Variants in ACAP1 observed in about 807,000 individuals in gnomAD.
The protein encoded by ACAP1 is arf-GAP with coiled-coil, ANK repeat and PH domain-containing protein 1.
Under a neutral mutation model 98.8 loss-of-function variants are expected in ACAP1, and 45 were observed. The ratio of observed to expected loss-of-function variants is 0.46; its 90% CI spans 0.36 to 0.58. ACAP1 has a LOEUF of 0.58. Among genes scored for constraint, ACAP1 ranks in the 20% least tolerant of loss-of-function variants. ACAP1 has a pLI of 0.00. For synonymous variants in ACAP1, 362 were observed against 375.3 expected (o/e 0.96, Z 0.41); for missense variants, 735 against 971.4 (o/e 0.76, Z 3.24).
Position 7,346,399 on chromosome 17 carries a change from G to A in ACAP1, c.915G>A (p.Val305=). 6.2e-7 allele frequency: 1 copy of A among 1,613,990 alleles called. No individual in the cohort carries two copies. Among genetic ancestry groups the A allele is most frequent in the Non-Finnish European group, 8.5e-7 (1 of 1,179,916 alleles). The change falls in exon 12 of 22, where the codon GTG becomes GTA. Residue 305 remains valine (V), a synonymous_variant. Coordinates refer to ENST00000158762, the MANE Select transcript of ACAP1 (RefSeq NM_014716.4). ...LVYQKKYKDP[V]TVVVDDLRLC... ...TCACCTTATCCTGCCAGGACCCTGT[G>A]ACTGTGGTGGTGGATGACCTTCGTC...
At chr17:7,347,500 T>C in intron 14 of ACAP1, 1 of 518,610 alleles carries the variant, frequency 1.9e-6, no homozygotes, top group South Asian at 2.7e-5. Context: ...GGAAGAAGTG[T>C]GGGGTCAAGG....
At chr17:7,347,644 A>G in intron 14 of ACAP1, 1 of 564,846 alleles carries the variant, frequency 1.8e-6, no homozygotes, top group Non-Finnish European at 3.2e-6. Context: ...TCCAGGCCAA[A>G]GTGTCACAAG....
chr17:7,337,315 C>T lies in ACAP1; in HGVS notation c.57C>T (p.Ala19=). 6.2e-7 allele frequency: 1 copy of T among 1,614,040 alleles called. No homozygotes were observed. Among genetic ancestry groups the T allele is most frequent in the Non-Finnish European group, 8.5e-7 (1 of 1,179,934 alleles). ...ECLKDSPRFR[A]SIELVEAEVS... is the part of the protein sequence containing the mutation. ...CCCATGACCCCCTCTTTCCCAGAGC[C>T]TCTATTGAGCTGGTGGAAGCCGAAG... is the stretch of plus-strand genomic sequence containing the variant. The change falls in exon 2 of 22, where the codon GCC becomes GCT. Residue 19 remains alanine (A), a synonymous_variant. Coordinates refer to ENST00000158762, the MANE Select transcript of ACAP1 (RefSeq NM_014716.4).
At chr17:7,351,185 C>T in intron 21 of ACAP1, 110 bp from the exon 22 acceptor site, 2 of 1,130,816 alleles carry the variant, frequency 1.8e-6, no homozygotes, top group Non-Finnish European at 2.6e-6. Flanking sequence ...GCGGCGCGCA[C>T]GTTCCCACCC....
In ACAP1 at chr17:7,343,261, C is replaced by T. The variant is rs534180264; in HGVS notation, c.345-118C>T. 218 of 1,086,066 alleles carry T rather than the reference C, an allele frequency of 2.0e-4. 1 individual carries two copies. In the African/African-American group the frequency reaches 3.1e-3, roughly 15 times the overall value. 67.3% of individuals were successfully genotyped at this position (1,086,066 alleles called of 1,614,324 possible). ...GTCCTGACTTCCGTCCCAGGGATCA[C>T]CTTGGGTTTCCCACGTTGCAGAGAC... On this transcript the variant is annotated intron_variant, in intron 5 of 21. Coordinates refer to ENST00000158762, the MANE Select transcript of ACAP1 (RefSeq NM_014716.4). This position sits in a 1 kb window ranked among gnomAD's most constrained non-coding sequence, Gnocchi z 4.9.
At position 7,336,807 on chromosome 17, in the gene ACAP1, G is replaced by C. The variant is rs777665240; in HGVS notation, c.53+20G>C. The C allele has an allele frequency of 5.6e-6, 9 of 1,613,376 alleles. No homozygotes were observed. Among genetic ancestry groups the C allele is most frequent in the Non-Finnish European group, 5.1e-6 (6 of 1,179,530 alleles). ...TTTCCGGTAAGTGTGAACTGGTCTGGGGGGCTAAGGAGGGGAAAGTCTAAC... is the reference window on the plus strand; with the variant it reads ...TTTCCGGTAAGTGTGAACTGGTCTGCGGGGCTAAGGAGGGGAAAGTCTAAC... On this transcript the variant is annotated intron_variant, in intron 1 of 21. Coordinates refer to ENST00000158762, the MANE Select transcript of ACAP1 (RefSeq NM_014716.4).
Position 7,349,214 on chromosome 17 carries a change from C to T in ACAP1, c.1851+47C>T, listed in dbSNP as rs373495926. On this transcript the variant is annotated intron_variant, in intron 18 of 21. Transcript: ENST00000158762. ...CCACCCCACCCTAGGGCTCTGACACCTACTCCTGACTCTGGGCCCTGCCCT... is the reference window on the plus strand; with the variant it reads ...CCACCCCACCCTAGGGCTCTGACACTTACTCCTGACTCTGGGCCCTGCCCT... The T allele has an allele frequency of 1.3e-5, 20 of 1,599,880 alleles. No homozygotes were observed. The African/African-American group carries it at 2.7e-4, about 21-fold the overall frequency.
chr17:7,346,551 G>C, intron 12 of ACAP1, 60 bp downstream of exon 12: 3 of 1,458,778 alleles, frequency 2.1e-6, no homozygotes, highest in Non-Finnish European at 2.8e-6. Flanking sequence ...AATCTGAAAG[G>C]CAGGGCCCAC....
intron 2 of ACAP1, 116 bp downstream of exon 2, chr17:7,337,485 A>C: frequency 2.1e-6 from 2 of 969,514 alleles, no homozygotes; most frequent in South Asian, 2.9e-5. Context: ...TGTGTAGGGG[A>C]GATATTTTGG....
chr17:7,337,884 T>C (rs1379560784), intron 2 of ACAP1, among the ~76,000 whole-genome samples: 1 of 151,988 alleles, frequency 6.6e-6, no homozygotes, highest in East Asian at 1.9e-4. Flanking sequence ...TTGGACTTCC[T>C]TGTTCTGCTC....
chr17:7,340,133 A>G (rs911237189), intron 2 of ACAP1, among the ~76,000 whole-genome samples: 21 of 151,972 alleles, frequency 1.4e-4, no homozygotes, highest in African/African-American at 4.6e-4. Context: ...TTAGCCAGGC[A>G]TGGTGGTGTG....
intron 16 of ACAP1, 23 bp downstream of exon 16, chr17:7,348,244 C>A: frequency 6.2e-7 from 1 of 1,612,074 alleles, no homozygotes; most frequent in South Asian, 1.1e-5. Flanking sequence ...TTTAGCCTCC[C>A]AGGGGAATGG....
chr17:7,343,150 T>C lies in ACAP1; in HGVS notation c.345-229T>C, dbSNP rs762504259. On this transcript the variant is annotated intron_variant, in intron 5 of 21. Coordinates refer to ENST00000158762, the MANE Select transcript of ACAP1 (RefSeq NM_014716.4). The surrounding 1 kb of genome is among the most constrained non-coding windows in gnomAD (Gnocchi z 4.9). ...TGAGATGGGAGAGAAGGGGGCCTTA[T>C]TTCTCGGAAACCAGCCCTGCTGCCC... The C allele has an allele frequency of 4.6e-5, 22 of 476,920 alleles. No individual in the cohort carries two copies. Among genetic ancestry groups the C allele is most frequent in the Non-Finnish European group, 8.1e-5 (22 of 271,522 alleles). 29.5% of individuals were successfully genotyped at this position (476,920 alleles called of 1,614,324 possible).
At chr17:7,341,888 G>A in intron 2 of ACAP1, 60 bp from the exon 3 acceptor site, 1 of 1,603,356 alleles carries the variant, frequency 6.2e-7, no homozygotes, top group Non-Finnish European at 8.5e-7. Context: ...GGCAGGTGTG[G>A]GGGCATCACC....
rs201609564 is a variant in ACAP1 at position 7,342,467 on chromosome 17, G to C, written c.337G>C (p.Val113Leu). ...HTLQQQIQTL[V>L]KEGLRGFREA... The stretch of plus-strand genomic sequence containing the variant: ...ACTGCAGCAGCAGATCCAGACCCTG[G>C]TCAAGGAGTGAGATGGGGCCGGGCG... Residue 113 changes from valine to leucine, a missense_variant, in exon 5 of 22, where the codon GTC becomes CTC. By Grantham distance (32) the Val-to-Leu change is conservative (BLOSUM62 1). Coordinates refer to ENST00000158762, the MANE Select transcript of ACAP1 (RefSeq NM_014716.4). 1 of 1,614,132 alleles carries C rather than the reference G, an allele frequency of 6.2e-7. No homozygotes were observed. Among genetic ancestry groups the C allele is most frequent in the South Asian group, 1.1e-5 (1 of 91,088 alleles).
chr17:7,337,641 G>C (rs1402461866), intron 2 of ACAP1, among the ~76,000 whole-genome samples: 1 of 152,114 alleles, frequency 6.6e-6, no homozygotes, highest in African/African-American at 2.4e-5. Context: ...ATCACCTGAG[G>C]TCAGGAGTTC....
rs753520276 is a variant in ACAP1, at chr17:7,348,473, C to A, written c.1676C>A (p.Pro559Gln). ...CGGCCAGGGAGCTTGAGATCCAAGC[C>A]AGGTATAGGGTTGGTTGGGCATTCA... ...RPRPGSLRSK[P>Q]EPPSEDLGSL... The change falls in exon 17 of 22, where the codon CCA (proline) becomes CAA (glutamine). Residue 559 changes from proline to glutamine, a missense_variant and splice_region_variant. Physicochemically the swap from Pro to Gln is moderately conservative, Grantham distance 76. Around this residue, in one of 5 missense-constraint regions of ACAP1, gnomAD observed 80 missense variants for 64.4 expected, o/e 1.24. Transcript: ENST00000158762. The A allele has an allele frequency of 2.8e-5, 41 of 1,476,006 alleles. No homozygotes were observed. The African/African-American group carries it at 5.2e-4, about 19-fold the overall frequency. 91.4% of individuals were successfully genotyped at this position (1,476,006 alleles called of 1,614,324 possible). A position where few individuals can be genotyped will look rare whatever the true frequency, so the allele number is the denominator to read the frequency against.
At position 7,350,214 on chromosome 17, in the gene ACAP1, A is replaced by G. The variant is rs375167039; in HGVS notation, c.2049A>G (p.Thr683=). The G allele has an allele frequency of 2.7e-5, 43 of 1,613,914 alleles. No individual in the cohort carries two copies. The African/African-American group carries it at 4.0e-4, about 15-fold the overall frequency. ...ACCCTCTGACCATCGCCATGGAAACAGCCAACGCTGACATCGTCACCCTGT... is the reference window on the plus strand; with the variant it reads ...ACCCTCTGACCATCGCCATGGAAACGGCCAACGCTGACATCGTCACCCTGT... ...GRDPLTIAME[T]ANADIVTLLR... The change falls in exon 20 of 22, where the codon ACA becomes ACG. Residue 683 remains threonine, a synonymous_variant. Transcript: ENST00000158762. This position sits in a 1 kb window ranked among gnomAD's most constrained non-coding sequence, Gnocchi z 4.6.
At position 7,336,582 on chromosome 17, in the gene ACAP1, T is replaced by A; in HGVS notation, c.-153T>A. 18 of 720,592 alleles carry A rather than the reference T, an allele frequency of 2.5e-5. No individual in the cohort carries two copies. Among genetic ancestry groups the A allele is most frequent in the East Asian group, 5.4e-5 (2 of 37,248 alleles). 44.6% of individuals were successfully genotyped at this position (720,592 alleles called of 1,614,324 possible). ...CTCCTCCTAGGACACCCCTTTCCCCTTGGGGAAAGAATTGTGCCCCCAGGC... is the reference window on the plus strand; with the variant it reads ...CTCCTCCTAGGACACCCCTTTCCCCATGGGGAAAGAATTGTGCCCCCAGGC... On this transcript the variant is annotated 5_prime_UTR_variant, in exon 1 of 22. In the 5' UTR this introduces an upstream ATG that the reference lacks. Coordinates refer to ENST00000158762, the MANE Select transcript of ACAP1 (RefSeq NM_014716.4).
Sources: allele counts gnomAD v4.1 joint callset (sites outside exome capture counted in the v4.1 genomes callset), GRCh38; gene constraint gnomAD v4.1.1; regional missense constraint gnomAD v4.1.1; non-coding constraint Gnocchi (gnomAD v3.1); transcripts MANE v1.5; gene names NCBI Gene and HGNC (gene_info 2026-07-23, HGNC 2026-07-21).